Variants in AEBP2 observed in about 807,000 individuals in gnomAD.
AEBP2 encodes the protein zinc finger protein AEBP2.
AEBP2 carries 10 observed loss-of-function variants against 50.8 expected under a neutral mutation model. That is an observed-to-expected ratio of 0.20 (90% CI 0.12 to 0.33). The LOEUF (loss-of-function observed/expected upper bound fraction) is 0.33. AEBP2 is among the 10% of genes least tolerant of loss of function. The pLI is 1.00. For missense variants in AEBP2, 570 were observed against 688.0 expected (o/e 0.83, Z 1.92); for synonymous variants, 296 against 261.3 (o/e 1.13, Z -1.28).
chr12:19,510,500 A>T (rs986313902), intron 5 of AEBP2, among the ~76,000 whole-genome samples: 3 of 152,220 alleles, frequency 2.0e-5, no homozygotes, highest in African/African-American at 4.8e-5. Flanking sequence ...TATTTGACTT[A>T]ACTGAGACCT....
chr12:19,453,215 C>G (rs187300502), intron 1 of AEBP2, among the ~76,000 whole-genome samples: 1 of 151,902 alleles, frequency 6.6e-6, no homozygotes, highest in Non-Finnish European at 1.5e-5. Flanking sequence ...GTGATCCACC[C>G]GCCTCAGCCT....
intron 2 of AEBP2, among the ~76,000 whole-genome samples, chr12:19,467,223 T>TTA (rs1555184055): frequency 6.6e-6 from 1 of 151,398 alleles, no homozygotes; most frequent in Non-Finnish European, 1.5e-5. Context: ...CCTTTTTTTT[T>TTA]AAAAACATCA....
At chr12:19,505,231 A>G (rs978767445) in intron 5 of AEBP2, among the ~76,000 whole-genome samples, 2 of 152,176 alleles carry the variant, frequency 1.3e-5, no homozygotes, top group African/African-American at 2.4e-5. Flanking sequence ...GTAGGTCTGT[A>G]ATACAGATTT....
chr12:19,455,899 T>C (rs1948261284), intron 1 of AEBP2, among the ~76,000 whole-genome samples: 1 of 152,190 alleles, frequency 6.6e-6, no homozygotes, highest in South Asian at 2.1e-4. Context: ...ATTTCTTAGA[T>C]GGTCTCATCA....
At chr12:19,407,314 CT>C (rs138915951) in intron 1 of AEBP2, among the ~76,000 whole-genome samples, 7 of 149,688 alleles carry the variant, frequency 4.7e-5, no homozygotes, top group South Asian at 2.1e-4. Flanking sequence ...TTTCTTTTTT[CT>C]TTTTTTTTTC....
intron 3 of AEBP2, among the ~76,000 whole-genome samples, chr12:19,477,059 T>A (rs1948658484): frequency 6.6e-6 from 1 of 152,194 alleles, no homozygotes; most frequent in South Asian, 2.1e-4. Flanking sequence ...CTAAGTATTT[T>A]ATTTTTTTGT....
chr12:19,448,843 C>T (rs950805000), intron 1 of AEBP2, among the ~76,000 whole-genome samples: 3 of 152,022 alleles, frequency 2.0e-5, no homozygotes, highest in Non-Finnish European at 4.4e-5. Context: ...CCATGCCCAG[C>T]TGCTTTTTTC....
chr12:19,438,686 CAAGT>C (rs747455687), upstream of AEBP2, among the ~76,000 whole-genome samples: 51 of 152,176 alleles, frequency 3.4e-4, no homozygotes, highest in African/African-American at 9.6e-4. Flanking sequence ...ATTTTTATTA[CAAGT>C]AAGACGATCA....
intron 1 of AEBP2, chr12:19,404,263 TG>T (rs1429174286): frequency 6.6e-6 from 1 of 151,964 alleles, no homozygotes; most frequent in Non-Finnish European, 1.5e-5. Flanking sequence ...AGTCTGGGAG[TG>T]CGTGCAGAGC....
chr12:19,434,989 C>CT (rs151237256), upstream of AEBP2, among the ~76,000 whole-genome samples: 3 of 151,646 alleles, frequency 2.0e-5, no homozygotes, highest in Admixed American at 6.6e-5. Context: ...ACTTTTGACA[C>CT]TTTTTTTTTC....
rs12319711 is a variant in AEBP2 at position 19,456,193 on chromosome 12, C to A, written c.672-6317C>A. On this transcript the variant is annotated intron_variant, in intron 1 of 7. Coordinates refer to ENST00000266508, the MANE Select transcript of AEBP2 (RefSeq NM_153207.5). ...CCAATTGAAACAAACAGTTCTGAGA[C>A]CATTCTTCCACCACTGATTAAGACC... 126 of 1,268,786 alleles carry A rather than the reference C, an allele frequency of 9.9e-5. 1 individual carries two copies. In the African/African-American group the frequency reaches 1.7e-3, roughly 17 times the overall value. The allele number at this position is 1,268,786 out of a possible 1,614,324, so 78.6% of individuals were successfully genotyped here. A position where few individuals can be genotyped will look rare whatever the true frequency, so the allele number is the denominator to read the frequency against.
At chr12:19,484,824 G>T (rs1459451641) in intron 3 of AEBP2, among the ~76,000 whole-genome samples, 1 of 151,942 alleles carries the variant, frequency 6.6e-6, no homozygotes, top group Admixed American at 6.6e-5. Context: ...ATGAATAAAT[G>T]AATGAATAAG....
At chr12:19,503,402 T>G (rs1475162565) in intron 5 of AEBP2, among the ~76,000 whole-genome samples, 1 of 151,982 alleles carries the variant, frequency 6.6e-6, no homozygotes, top group African/African-American at 2.4e-5. Flanking sequence ...GGTTGTCAGC[T>G]TGAGTGTTAT....
chr12:19,467,143 T>G (rs2153371135), intron 2 of AEBP2, among the ~76,000 whole-genome samples: 1 of 152,306 alleles, frequency 6.6e-6, no homozygotes, highest in South Asian at 2.1e-4. Flanking sequence ...GTGTTGCCCA[T>G]GCTGGTCTTG....
intron 4 of AEBP2, among the ~76,000 whole-genome samples, chr12:19,496,257 G>T (rs764405729): frequency 6.6e-6 from 1 of 152,182 alleles, no homozygotes; most frequent in Non-Finnish European, 1.5e-5. Flanking sequence ...TCTTTTGACG[G>T]TGGTGTTTTT....
chr12:19,444,587 C>A lies in AEBP2; in HGVS notation c.671+4217C>A, dbSNP rs146043076. Reference sequence around the variant, plus strand: ...AATCTTAATATTACTGCCTATATTTCAATTTTTGAGTAGTATATCTTTGAA... The same window carrying A: ...AATCTTAATATTACTGCCTATATTTAAATTTTTGAGTAGTATATCTTTGAA... On this transcript the variant is annotated intron_variant, in intron 1 of 7. Transcript: ENST00000266508. Among the ~76,000 whole-genome samples, 1,220 of 152,242 alleles carry A rather than the reference C, an allele frequency of 8.0e-3. 17 individuals carry two copies. Among genetic ancestry groups the A allele is most frequent in the African/African-American group, 0.028 (1,146 of 41,538 alleles).
chr12:19,511,980 A>G (rs1384818856), intron 5 of AEBP2, among the ~76,000 whole-genome samples: 1 of 152,076 alleles, frequency 6.6e-6, no homozygotes, highest in Non-Finnish European at 1.5e-5. Flanking sequence ...AGCAGGCAGG[A>G]TTACTATCTC....
upstream of AEBP2, among the ~76,000 whole-genome samples, chr12:19,438,580 A>C (rs1219841952): frequency 6.8e-6 from 1 of 146,856 alleles, no homozygotes; most frequent in South Asian, 2.1e-4. Context: ...AGTACTTACA[A>C]ACATTTGAAA....
chr12:19,414,735 C>T (rs2095741298), intron 1 of AEBP2, among the ~76,000 whole-genome samples: 1 of 152,074 alleles, frequency 6.6e-6, no homozygotes, highest in African/African-American at 2.4e-5. Context: ...CCAACCTGGC[C>T]AACATGGTCA....
Sources: allele counts gnomAD v4.1 joint callset (sites outside exome capture counted in the v4.1 genomes callset), GRCh38; gene constraint gnomAD v4.1.1; transcripts MANE v1.5; gene names NCBI Gene and HGNC (gene_info 2026-07-23, HGNC 2026-07-21).